Variants in SPECC1 observed in about 807,000 individuals in gnomAD.
SPECC1 encodes sperm antigen with calponin homology and coiled-coil domains 1.
Under a neutral mutation model 104.1 loss-of-function variants are expected in SPECC1, and 62 were observed. The observed-to-expected ratio is 0.60, with a 90% CI of 0.49 to 0.74. The LOEUF is 0.74. Among genes scored for constraint, SPECC1 ranks in the 30% least tolerant of loss-of-function variants. The pLI is 0.00. For synonymous variants in SPECC1, 513 were observed against 501.6 expected (o/e 1.02, Z -0.30); for missense variants, 1,306 against 1,310.5 (o/e 1.00, Z 0.05).
intron 3 of SPECC1, among the ~76,000 whole-genome samples, chr17:20,157,745 G>A (rs1319453263): frequency 1.3e-5 from 2 of 152,156 alleles, no homozygotes; most frequent in Non-Finnish European, 2.9e-5. Flanking sequence ...ATATGTTTAT[G>A]CCAGTGACTT....
intron 7 of SPECC1, among the ~76,000 whole-genome samples, chr17:20,239,872 C>T (rs944926012): frequency 1.5e-4 from 18 of 122,820 alleles, no homozygotes; most frequent in East Asian, 4.6e-4. Context: ...ATTTGCATTT[C>T]GCTGAGTTTT....
intron 1 of SPECC1, among the ~76,000 whole-genome samples, chr17:20,039,005 T>A (rs1476860775): frequency 3.3e-5 from 5 of 152,212 alleles, no homozygotes; most frequent in Non-Finnish European, 7.3e-5. Flanking sequence ...TGGCCTTTTT[T>A]ATATTTGTAG....
At chr17:20,253,669 T>G (rs536832657) in intron 10 of SPECC1, 83 bp downstream of exon 10, 244 of 1,317,628 alleles carry the variant, frequency 1.9e-4, no homozygotes, top group Non-Finnish European at 2.5e-4. Flanking sequence ...GAAACTGAGC[T>G]TAGAAAAATA....
intron 1 of SPECC1, among the ~76,000 whole-genome samples, chr17:20,071,033 T>C (rs1029756612): frequency 2.0e-5 from 3 of 152,110 alleles, no homozygotes; most frequent in Admixed American, 2.0e-4. Flanking sequence ...TCTTTTTCAG[T>C]TTTTTGAGAC....
chr17:20,179,192 C>T (rs1200893705), intron 3 of SPECC1, among the ~76,000 whole-genome samples: 2 of 152,220 alleles, frequency 1.3e-5, no homozygotes, highest in African/African-American at 2.4e-5. Flanking sequence ...CCAGGGACAG[C>T]GCATCAAATC....
chr17:20,084,196 A>C (rs944008500), intron 1 of SPECC1, among the ~76,000 whole-genome samples: 3 of 152,228 alleles, frequency 2.0e-5, no homozygotes, highest in Non-Finnish European at 2.9e-5. Context: ...TTGGGAGGCG[A>C]GGCGGGCAGA....
At position 20,247,323 on chromosome 17, in the gene SPECC1, G is replaced by A. The variant is rs199548325; in HGVS notation, c.2598+4G>A. On this transcript the variant is annotated splice_donor_region_variant and intron_variant, in intron 9 of 14. Transcript: ENST00000395527. ...AGCTGCTGTCTCTCCAATGCAGGTA[G>A]ATGAGCCCCAGAAATAACCACTGCT... is the stretch of plus-strand genomic sequence containing the variant. The A allele has an allele frequency of 8.7e-6, 14 of 1,608,092 alleles. No individual in the cohort carries two copies. The East Asian group carries it at 3.1e-4, about 36-fold the overall frequency.
At chr17:20,273,496 A>G (rs1422508862) in intron 12 of SPECC1, among the ~76,000 whole-genome samples, 2 of 150,220 alleles carry the variant, frequency 1.3e-5, no homozygotes, top group Non-Finnish European at 2.9e-5. Flanking sequence ...CTGGGGGTGG[A>G]GAGTGACTAC....
chr17:20,012,609 A>G (rs1364799206), intron 1 of SPECC1, among the ~76,000 whole-genome samples: 5 of 151,174 alleles, frequency 3.3e-5, no homozygotes, highest in East Asian at 1.9e-4. Flanking sequence ...CTGATTTTCA[A>G]TTTTCTGTGT....
chr17:20,316,184 C>G lies in SPECC1; in HGVS notation c.*2119C>G, dbSNP rs529912273. The stretch of plus-strand genomic sequence containing the variant: ...TTTGAAGCATTTTTTTTTTATTAAC[C>G]CTGTACTTCTTCTTTGCCCACCATT... On this transcript the variant is annotated 3_prime_UTR_variant, in exon 15 of 15. Coordinates refer to ENST00000395527, the MANE Select transcript of SPECC1 (RefSeq NM_001243439.2). 6.1e-5 allele frequency: 14 copies of G among 231,002 alleles called. No individual in the cohort carries two copies. The highest frequency in any genetic ancestry group is 9.4e-5 in the Non-Finnish European group (11 of 116,862). The allele number at this position is 231,002 out of a possible 1,614,324, so 14.3% of individuals were successfully genotyped here.
At chr17:20,239,012 T>G in intron 7 of SPECC1, 1 of 1,035,856 alleles carries the variant, frequency 9.7e-7, no homozygotes, top group East Asian at 6.0e-5. Flanking sequence ...TAACTAGAAT[T>G]TGAGGTAGAA....
intron 4 of SPECC1, among the ~76,000 whole-genome samples, chr17:20,215,924 A>G (rs1307542529): frequency 6.6e-6 from 1 of 152,210 alleles, no homozygotes; most frequent in East Asian, 1.9e-4. Context: ...AAAGAAAGCT[A>G]TATAGATGCC....
chr17:20,095,737 T>C (rs964811963), intron 1 of SPECC1: 17 of 152,506 alleles, frequency 1.1e-4, no homozygotes, highest in African/African-American at 4.1e-4. Context: ...GGGTGTTTTG[T>C]AAAGTGCATT....
intron 1 of SPECC1, among the ~76,000 whole-genome samples, chr17:20,035,960 A>T (rs2045058383): frequency 6.7e-6 from 1 of 150,248 alleles, no homozygotes. Context: ...AGTAGCTGAG[A>T]CTACACATGC....
At chr17:20,257,831 A>G (rs983779945) in intron 11 of SPECC1, among the ~76,000 whole-genome samples, 22 of 152,246 alleles carry the variant, frequency 1.4e-4, no homozygotes, top group African/African-American at 5.3e-4. Flanking sequence ...TGCATAAGCA[A>G]AGTCTTGAGA....
intron 1 of SPECC1, among the ~76,000 whole-genome samples, chr17:20,084,519 G>A (rs2047103626): frequency 6.6e-6 from 1 of 152,162 alleles, no homozygotes. Flanking sequence ...TATCAGTTTT[G>A]TGTTTTGCAG....
intron 3 of SPECC1, among the ~76,000 whole-genome samples, chr17:20,197,421 G>A (rs1487664083): frequency 4.6e-5 from 7 of 152,172 alleles, no homozygotes; most frequent in Admixed American, 3.9e-4. Context: ...TATTAAACCA[G>A]AAACGACTTC....
At chr17:20,059,061 C>T (rs908701463) in intron 1 of SPECC1, among the ~76,000 whole-genome samples, 10 of 151,800 alleles carry the variant, frequency 6.6e-5, no homozygotes, top group South Asian at 2.1e-4. Flanking sequence ...AGGATGGTCT[C>T]GATCTCCTGA....
intron 3 of SPECC1, among the ~76,000 whole-genome samples, chr17:20,183,633 T>C (rs1036268586): frequency 2.0e-5 from 3 of 152,150 alleles, no homozygotes; most frequent in East Asian, 3.8e-4. Context: ...ACGCACATTC[T>C]CCCATATAGT....
Sources: allele counts gnomAD v4.1 joint callset (sites outside exome capture counted in the v4.1 genomes callset), GRCh38; gene constraint gnomAD v4.1.1; transcripts MANE v1.5; gene names NCBI Gene and HGNC (gene_info 2026-07-23, HGNC 2026-07-21).